KCNH8: variants seen among roughly 807,000 people sequenced by gnomAD.
KCNH8 encodes voltage-gated delayed rectifier potassium channel KCNH8.
In KCNH8, 70 loss-of-function variants were observed where a neutral mutation model predicts 103.6. The observed-to-expected ratio is 0.68, with a 90% CI of 0.56 to 0.82. The LOEUF is 0.82. Ranked by LOEUF, KCNH8 falls within the 40% of genes least tolerant of loss-of-function variation. The pLI is 0.00. For missense variants in KCNH8, 1,217 were observed against 1,329.9 expected (o/e 0.92, Z 1.32); for synonymous variants, 498 against 489.4 (o/e 1.02, Z -0.23).
At chr3:19,353,378 T>A (rs576110802) in intron 5 of KCNH8, among the ~76,000 whole-genome samples, 5 of 152,282 alleles carry the variant, frequency 3.3e-5, no homozygotes, top group Admixed American at 2.6e-4. Flanking sequence ...CCCTTACTCA[T>A]TTTATGAGGT....
chr3:19,221,658 T>C (rs1158220548), intron 1 of KCNH8, among the ~76,000 whole-genome samples: 1 of 152,186 alleles, frequency 6.6e-6, no homozygotes, highest in East Asian at 1.9e-4. Flanking sequence ...CAATTCTCTT[T>C]AATTTGTTAA....
chr3:19,315,747 A>AT (rs993123990), intron 3 of KCNH8, among the ~76,000 whole-genome samples: 1 of 151,992 alleles, frequency 6.6e-6, no homozygotes, highest in Non-Finnish European at 1.5e-5. Context: ...CAACCAGGGC[A>AT]TTTTTATCTT....
intron 2 of KCNH8, among the ~76,000 whole-genome samples, chr3:19,268,764 GCACT>G (rs967858395): frequency 6.6e-6 from 1 of 152,088 alleles, no homozygotes. Flanking sequence ...ATGGGGCCCA[GCACT>G]CAGTGTTTTC....
intron 13 of KCNH8, among the ~76,000 whole-genome samples, chr3:19,514,557 G>C (rs184168417): frequency 1.3e-5 from 2 of 151,418 alleles, no homozygotes; most frequent in African/African-American, 4.8e-5. Flanking sequence ...TATAGTAGTA[G>C]ATTACAGGTG....
In KCNH8 at chr3:19,342,728, G is replaced by T. The variant is rs778142409; in HGVS notation, c.570+14G>T. 1.3e-6 allele frequency: 2 copies of T among 1,597,218 alleles called. No homozygotes were observed. Among genetic ancestry groups the T allele is most frequent in the Non-Finnish European group, 1.7e-6 (2 of 1,168,992 alleles). The stretch of plus-strand genomic sequence containing the variant: ...AAAATAAATAACGTAGGTGGTATGT[G>T]TGTACAGGATGAATGCTAGTGTTTC... On this transcript the variant is annotated intron_variant, in intron 4 of 15. Transcript: ENST00000328405.
At chr3:19,365,756 T>C (rs2066003334) in intron 5 of KCNH8, among the ~76,000 whole-genome samples, 1 of 152,058 alleles carries the variant, frequency 6.6e-6, no homozygotes, top group Admixed American at 6.6e-5. Flanking sequence ...TTAAATGGCA[T>C]GCTTGATAGT....
chr3:19,360,137 T>C (rs2065929348), intron 5 of KCNH8, among the ~76,000 whole-genome samples: 1 of 152,090 alleles, frequency 6.6e-6, no homozygotes, highest in Non-Finnish European at 1.5e-5. Flanking sequence ...AAGAACAATG[T>C]GGCAAGACTC....
intron 5 of KCNH8, among the ~76,000 whole-genome samples, chr3:19,389,793 A>G (rs2066408687): frequency 6.6e-6 from 1 of 151,892 alleles, no homozygotes; most frequent in African/African-American, 2.4e-5. Context: ...ATGCCCAGCT[A>G]ATTTTTTTTG....
intron 1 of KCNH8, among the ~76,000 whole-genome samples, chr3:19,251,783 C>T (rs1188399854): frequency 6.6e-6 from 1 of 151,978 alleles, no homozygotes; most frequent in Non-Finnish European, 1.5e-5. Flanking sequence ...TAAGTGTTTT[C>T]CCACCTCTGC....
At chr3:19,278,037 T>C (rs2125271840) in intron 2 of KCNH8, among the ~76,000 whole-genome samples, 1 of 152,240 alleles carries the variant, frequency 6.6e-6, no homozygotes, top group South Asian at 2.1e-4. Context: ...TGCTCTTGAC[T>C]GAAAGAGTTG....
At chr3:19,424,139 T>C (rs572664141) in intron 7 of KCNH8, among the ~76,000 whole-genome samples, 1 of 152,028 alleles carries the variant, frequency 6.6e-6, no homozygotes, top group African/African-American at 2.4e-5. Flanking sequence ...CCAAAAAGTT[T>C]CCATAGCCAA....
At chr3:19,415,961 T>C (rs1010516165) in intron 7 of KCNH8, among the ~76,000 whole-genome samples, 2 of 152,126 alleles carry the variant, frequency 1.3e-5, no homozygotes, top group African/African-American at 4.8e-5. Flanking sequence ...TATTTTTTCA[T>C]ATATTTTTTG....
At chr3:19,181,662 A>G (rs2063454443) in intron 1 of KCNH8, among the ~76,000 whole-genome samples, 1 of 152,224 alleles carries the variant, frequency 6.6e-6, no homozygotes, top group Non-Finnish European at 1.5e-5. Flanking sequence ...GAAAAGTTGA[A>G]TAAGCAAATA....
chr3:19,328,883 G>A (rs1274299976), intron 3 of KCNH8, among the ~76,000 whole-genome samples: 3 of 151,956 alleles, frequency 2.0e-5, no homozygotes, highest in Non-Finnish European at 4.4e-5. Context: ...TTCTTTTGGT[G>A]GGTGTTGCTG....
At chr3:19,364,258 C>CTTT (rs1156723331) in intron 5 of KCNH8, among the ~76,000 whole-genome samples, 1 of 152,082 alleles carries the variant, frequency 6.6e-6, no homozygotes, top group Non-Finnish European at 1.5e-5. Context: ...AAGCCTTAAG[C>CTTT]GTGTTGAGGA....
chr3:19,417,246 C>A (rs1219075074), intron 7 of KCNH8, among the ~76,000 whole-genome samples: 1 of 148,014 alleles, frequency 6.8e-6, no homozygotes, highest in East Asian at 2.0e-4. Context: ...ATATATATTT[C>A]CAGTATTTAT....
At chr3:19,376,094 A>T (rs1383339454) in intron 5 of KCNH8, among the ~76,000 whole-genome samples, 2 of 152,186 alleles carry the variant, frequency 1.3e-5, no homozygotes, top group Non-Finnish European at 2.9e-5. Flanking sequence ...CTACAGAGGC[A>T]GGCAGGCCTC....
In KCNH8 at chr3:19,285,277, C is replaced by T. The variant is rs187400765; in HGVS notation, c.442+3948C>T. 2.0e-5 allele frequency among the ~76,000 whole-genome samples: 3 copies of T among 151,862 alleles called. No individual in the cohort carries two copies. In the East Asian group the frequency reaches 5.8e-4, roughly 29 times the overall value. The stretch of plus-strand genomic sequence containing the variant: ...GCCACTCTGACCCCAGCATTGCATT[C>T]GCATTTGGAGATGTCAAAATGGAGA... On this transcript the variant is annotated intron_variant, in intron 3 of 15. Transcript: ENST00000328405.
chr3:19,373,293 G>C lies in KCNH8; in HGVS notation c.812-17188G>C, dbSNP rs200999725. ...GATTATTGCCAGAATTTCAGATCCT[G>C]TTATTGGTCTATTCAGAGATTCAGC... is the stretch of plus-strand genomic sequence containing the variant. On this transcript the variant is annotated intron_variant, in intron 5 of 15. Transcript: ENST00000328405. Among the ~76,000 whole-genome samples the C allele has an allele frequency of 1.2e-4, 18 of 152,230 alleles. No homozygotes were observed. The East Asian group carries it at 1.4e-3, about 11-fold the overall frequency.
Sources: allele counts gnomAD v4.1 joint callset (sites outside exome capture counted in the v4.1 genomes callset), GRCh38; gene constraint gnomAD v4.1.1; transcripts MANE v1.5; gene names NCBI Gene and HGNC (gene_info 2026-07-23, HGNC 2026-07-21).